Variants in RNPC3 observed in about 807,000 individuals in gnomAD.
RNPC3 encodes the protein RNA-binding region-containing protein 3.
In RNPC3, 48 loss-of-function variants were observed where a neutral mutation model predicts 67.5. The ratio of observed to expected loss-of-function variants is 0.71; its 90% CI spans 0.56 to 0.90. RNPC3 has a LOEUF of 0.90. Among genes scored for constraint, RNPC3 ranks in the 40% least tolerant of loss-of-function variants. The pLI is 0.00. For synonymous variants in RNPC3, 239 were observed against 210.3 expected (o/e 1.14, Z -1.18); for missense variants, 637 against 626.1 (o/e 1.02, Z -0.19).
rs1434420254 is a variant in RNPC3 at position 103,545,050 on chromosome 1, T to C, written c.1155T>C (p.Pro385=). The change falls in exon 10 of 15, where the codon CCT becomes CCC. Residue 385 remains proline, a synonymous_variant. Coordinates refer to ENST00000423855, the MANE Select transcript of RNPC3 (RefSeq NM_017619.4). ...EEIKEDSDEM[P]SECISRRELE... Reference sequence around the variant, plus strand: ...TTAAAGAAGACTCTGATGAAATGCCTTCAGAATGTATTTCTAGAAGGGAAT... The same window carrying C: ...TTAAAGAAGACTCTGATGAAATGCCCTCAGAATGTATTTCTAGAAGGGAAT... The C allele has an allele frequency of 1.3e-6, 2 of 1,534,264 alleles. No individual in the cohort carries two copies. The highest frequency in any genetic ancestry group is 2.7e-5 in the African/African-American group (2 of 73,040).
intron 8 of RNPC3, 53 bp downstream of exon 8, chr1:103,541,528 T>C: frequency 7.0e-7 from 1 of 1,428,578 alleles, no homozygotes; most frequent in South Asian, 1.4e-5. Context: ...CTTTGTTTAC[T>C]TGCTTAATTC....
At chr1:103,544,884 A>G in intron 9 of RNPC3, 57 bp from the exon 10 acceptor site, 2 of 1,207,492 alleles carry the variant, frequency 1.7e-6, no homozygotes, top group Non-Finnish European at 2.2e-6. Context: ...GTGGGGACCC[A>G]AAAACTATTT....
intron 7 of RNPC3, among the ~76,000 whole-genome samples, chr1:103,540,571 A>G (rs2101047989): frequency 6.6e-6 from 1 of 152,318 alleles, no homozygotes; most frequent in Admixed American, 6.5e-5. Context: ...TTTAAATTAC[A>G]GCATATGTTT....
intron 2 of RNPC3, among the ~76,000 whole-genome samples, chr1:103,529,742 T>C (rs1232174187): frequency 6.6e-6 from 1 of 152,170 alleles, no homozygotes; most frequent in African/African-American, 2.4e-5. Flanking sequence ...AAAATTAACT[T>C]TGTATGATGA....
At chr1:103,531,737 G>GT (rs1179459273) in intron 2 of RNPC3, among the ~76,000 whole-genome samples, 3 of 151,956 alleles carry the variant, frequency 2.0e-5, no homozygotes, top group South Asian at 2.1e-4. Flanking sequence ...GACATTAGTG[G>GT]TTTTTTTGGA....
In RNPC3 at chr1:103,549,410, TA is replaced by T. The variant is rs370615789; in HGVS notation, c.1362-1530del. On this transcript the variant is annotated intron_variant, in intron 12 of 14. Transcript: ENST00000423855. ...TTCACAATTCTCTATTTATATCCAT[TA>T]GGGGCAAATACCTCTTCTTACCAGA... 2.0e-5 allele frequency among the ~76,000 whole-genome samples: 3 copies of T among 152,192 alleles called. No homozygotes were observed. The South Asian group carries it at 6.2e-4, about 32-fold the overall frequency.
chr1:103,533,053 C>A (rs183042617), intron 2 of RNPC3, among the ~76,000 whole-genome samples: 1 of 152,062 alleles, frequency 6.6e-6, no homozygotes, highest in African/African-American at 2.4e-5. Flanking sequence ...GATCACCCTC[C>A]ACACCCCTCA....
chr1:103,538,636 G>A (rs1181953954), intron 7 of RNPC3, among the ~76,000 whole-genome samples: 1 of 152,210 alleles, frequency 6.6e-6, no homozygotes, highest in African/African-American at 2.4e-5. Context: ...CCTAGGGACA[G>A]TGATTTAGTG....
chr1:103,550,684 A>G (rs1651367936), intron 12 of RNPC3, among the ~76,000 whole-genome samples: 1 of 151,826 alleles, frequency 6.6e-6, no homozygotes, highest in Non-Finnish European at 1.5e-5. Context: ...CTAGTTGCTA[A>G]TAGTATAATT....
At chr1:103,551,820 G>C (rs1349272194) in intron 14 of RNPC3, 28 bp downstream of exon 14, 1 of 1,077,082 alleles carries the variant, frequency 9.3e-7, no homozygotes, top group African/African-American at 1.7e-5. Flanking sequence ...ATAATAAAAA[G>C]ACAAGACTAA....
intron 8 of RNPC3, among the ~76,000 whole-genome samples, chr1:103,542,550 G>T (rs552899379): frequency 6.6e-6 from 1 of 151,990 alleles, no homozygotes; most frequent in African/African-American, 2.4e-5. Flanking sequence ...GCAGATTTGG[G>T]ATAAGGGTCA....
Position 103,526,039 on chromosome 1 carries a change from C to A in RNPC3, c.-32C>A. The A allele has an allele frequency of 6.7e-6, 10 of 1,481,710 alleles. No individual in the cohort carries two copies. Among genetic ancestry groups the A allele is most frequent in the Non-Finnish European group, 9.1e-6 (10 of 1,103,688 alleles). 91.8% of individuals were successfully genotyped at this position (1,481,710 alleles called of 1,614,324 possible). A position where few individuals can be genotyped will look rare whatever the true frequency, so the allele number is the denominator to read the frequency against. The stretch of plus-strand genomic sequence containing the variant: ...CCGCGATTTTGACTGAGACTTCTTC[C>A]CACGATTTCTGTTTTTGCTTCTCCA... On this transcript the variant is annotated 5_prime_UTR_variant, in exon 1 of 15. Coordinates refer to ENST00000423855, the MANE Select transcript of RNPC3 (RefSeq NM_017619.4).
chr1:103,537,591 G>A (rs1651016763), intron 7 of RNPC3, 107 bp downstream of exon 7: 3 of 928,124 alleles, frequency 3.2e-6, no homozygotes, highest in Admixed American at 3.1e-5. Context: ...AGTTTGGGGT[G>A]ATTAGAATTT....
intron 1 of RNPC3, among the ~76,000 whole-genome samples, chr1:103,527,490 GT>G (rs1193377432): frequency 6.6e-6 from 1 of 152,142 alleles, no homozygotes; most frequent in Non-Finnish European, 1.5e-5. Flanking sequence ...TATGATAGAG[GT>G]TGCATAGCTT....
At position 103,525,992 on chromosome 1, in the gene RNPC3, T is replaced by G; in HGVS notation, c.-79T>G. 2 of 1,158,606 alleles carry G rather than the reference T, an allele frequency of 1.7e-6. No homozygotes were observed. Among genetic ancestry groups the G allele is most frequent in the South Asian group, 3.2e-5 (2 of 62,248 alleles). 71.8% of individuals were successfully genotyped at this position (1,158,606 alleles called of 1,614,324 possible). A position where few individuals can be genotyped will look rare whatever the true frequency, so the allele number is the denominator to read the frequency against. The stretch of plus-strand genomic sequence containing the variant: ...TCCTTAGCGCGAGGCGGAAAAAATA[T>G]TTCTCCCAGCTTGTGTTGATGCCGC... On this transcript the variant is annotated 5_prime_UTR_variant, in exon 1 of 15. Coordinates refer to ENST00000423855, the MANE Select transcript of RNPC3 (RefSeq NM_017619.4).
At chr1:103,545,362 G>A (rs2101050550) in intron 10 of RNPC3, 1 of 283,132 alleles carries the variant, frequency 3.5e-6, no homozygotes, top group East Asian at 9.8e-5. Context: ...CTTTCATGTG[G>A]CATTTAAAAT....
In RNPC3 at chr1:103,531,134, T is replaced by A. The variant is rs185999184; in HGVS notation, c.241-2605T>A. On this transcript the variant is annotated intron_variant, in intron 2 of 14. Coordinates refer to ENST00000423855, the MANE Select transcript of RNPC3 (RefSeq NM_017619.4). ...TCCTGAGTTACTTCACTTAGAATAA[T>A]GGTCTCCCATTCCATCTAGGTTGCT... Among the ~76,000 whole-genome samples the A allele has an allele frequency of 4.6e-5, 7 of 152,360 alleles. No individual in the cohort carries two copies. In the East Asian group the frequency reaches 1.4e-3, roughly 29 times the overall value.
chr1:103,542,616 G>T (rs1651148207), intron 8 of RNPC3, among the ~76,000 whole-genome samples: 1 of 151,708 alleles, frequency 6.6e-6, no homozygotes, highest in Non-Finnish European at 1.5e-5. Flanking sequence ...ACTGTGTTTT[G>T]GACATTTTGT....
chr1:103,546,219 T>C (rs1651240500), intron 10 of RNPC3, 29 bp from the exon 11 acceptor site: 1 of 1,068,898 alleles, frequency 9.4e-7, no homozygotes. Context: ...ATTTTAATTT[T>C]ATATCTTTGT....
Sources: allele counts gnomAD v4.1 joint callset (sites outside exome capture counted in the v4.1 genomes callset), GRCh38; gene constraint gnomAD v4.1.1; transcripts MANE v1.5; gene names NCBI Gene and HGNC (gene_info 2026-07-23, HGNC 2026-07-21).